Variants in RYR2 observed in about 807,000 individuals in gnomAD.
The protein encoded by RYR2 is cardiac muscle ryanodine receptor-calcium release channel.
A neutral mutation model predicts 601.1 loss-of-function variants in RYR2; 227 were observed. The ratio of observed to expected loss-of-function variants is 0.38; its 90% confidence interval spans 0.34 to 0.42. RYR2 has a LOEUF of 0.42. Among genes scored for constraint, RYR2 ranks in the 10% least tolerant of loss-of-function variants. The pLI, the probability that RYR2 is intolerant of heterozygous loss-of-function variation, is 1.00. For synonymous variants in RYR2, 2,223 were observed against 2,175.1 expected (o/e 1.02, Z -0.61); for missense variants, 4,646 against 6,156.5 (o/e 0.75, Z 8.21).
chr1:237,158,779 G>A lies in RYR2; in HGVS notation c.49-111718G>A, dbSNP rs151210427. Among the ~76,000 whole-genome samples the A allele has an allele frequency of 7.6e-3, 1,163 of 152,324 alleles. 8 individuals are homozygous for A. Among genetic ancestry groups the A allele is most frequent in the Non-Finnish European group, 0.012 (820 of 68,026 alleles). On this transcript the variant is annotated intron_variant, in intron 1 of 104. Transcript: ENST00000366574. ...CAGAGTAGGTAGGGAAGGAATGATT[G>A]CCGAATGAATGAATGAATGGAGAAA...
At chr1:237,714,032 A>G (rs1442499892) in intron 71 of RYR2, among the ~76,000 whole-genome samples, 7 of 152,114 alleles carry the variant, frequency 4.6e-5, no homozygotes, top group Non-Finnish European at 1.0e-4. Context: ...AATACAACCA[A>G]TTAAAACTGT....
intron 29 of RYR2, among the ~76,000 whole-genome samples, chr1:237,574,666 A>G (rs988634109): frequency 1.1e-4 from 17 of 152,150 alleles, no homozygotes; most frequent in African/African-American, 4.1e-4. Context: ...AGAGAGCAAC[A>G]TGATGGTAAC....
chr1:237,789,252 C>G (rs189206979), intron 92 of RYR2, among the ~76,000 whole-genome samples: 3 of 152,122 alleles, frequency 2.0e-5, no homozygotes, highest in Admixed American at 2.0e-4. Flanking sequence ...CAACTCAGAA[C>G]CTCAATGAAC....
At chr1:237,709,998 T>C (rs1426566105) in intron 70 of RYR2, among the ~76,000 whole-genome samples, 1 of 152,208 alleles carries the variant, frequency 6.6e-6, no homozygotes, top group East Asian at 1.9e-4. Context: ...ACCTAAGGAA[T>C]TTAGTTTGGC....
intron 1 of RYR2, among the ~76,000 whole-genome samples, chr1:237,264,407 T>C (rs887794394): frequency 6.6e-6 from 1 of 152,208 alleles, no homozygotes; most frequent in African/African-American, 2.4e-5. Flanking sequence ...AGTTCCTTAT[T>C]TGGCCAATCC....
intron 1 of RYR2, among the ~76,000 whole-genome samples, chr1:237,168,959 C>G (rs569473745): frequency 6.6e-6 from 1 of 152,124 alleles, no homozygotes; most frequent in East Asian, 1.9e-4. Flanking sequence ...TCGTAGTCAA[C>G]CAAAAAGAAC....
At chr1:237,550,474 A>C in intron 26 of RYR2, 70 bp from the exon 27 acceptor site, 4 of 1,526,858 alleles carry the variant, frequency 2.6e-6, no homozygotes, top group Non-Finnish European at 2.7e-6. Flanking sequence ...AGTTTGATGT[A>C]TTTGGTAGCT....
At chr1:237,740,788 T>C (rs992073054) in intron 79 of RYR2, among the ~76,000 whole-genome samples, 2 of 152,220 alleles carry the variant, frequency 1.3e-5, no homozygotes, top group Non-Finnish European at 2.9e-5. Flanking sequence ...TATTTACTAA[T>C]GCACACTGCT....
At chr1:237,617,547 T>G in intron 38 of RYR2, 61 bp downstream of exon 38, 32 of 1,499,888 alleles carry the variant, frequency 2.1e-5, no homozygotes, top group Non-Finnish European at 2.7e-5. Context: ...TCAGGATCTC[T>G]GCCTTGCAAA....
intron 1 of RYR2, among the ~76,000 whole-genome samples, chr1:237,218,066 G>A (rs183008971): frequency 7.0e-4 from 107 of 152,144 alleles, no homozygotes; most frequent in Non-Finnish European, 1.3e-3. Flanking sequence ...GATGCTTTTC[G>A]GTTGCACATT....
At chr1:237,481,377 A>C (rs1662072438) in intron 17 of RYR2, among the ~76,000 whole-genome samples, 1 of 152,162 alleles carries the variant, frequency 6.6e-6, no homozygotes, top group African/African-American at 2.4e-5. Flanking sequence ...ATTTTAAACA[A>C]ACAAAAACAT....
chr1:237,830,702 A>G (rs1331141760), intron 103 of RYR2, 72 bp downstream of exon 103: 2 of 727,242 alleles, frequency 2.8e-6, no homozygotes, highest in Admixed American at 2.5e-5. Context: ...CTCAGAATAG[A>G]GAGGAAGTTT....
intron 3 of RYR2, among the ~76,000 whole-genome samples, chr1:237,338,911 GAT>G (rs1697498182): frequency 6.6e-6 from 1 of 152,144 alleles, no homozygotes; most frequent in Non-Finnish European, 1.5e-5. Flanking sequence ...TAGTTCATAT[GAT>G]ATAAATTGTG....
intron 17 of RYR2, among the ~76,000 whole-genome samples, chr1:237,486,880 C>T (rs1164448515): frequency 6.6e-6 from 1 of 151,868 alleles, no homozygotes; most frequent in Non-Finnish European, 1.5e-5. Flanking sequence ...TACATAGTTG[C>T]AATTATAATC....
At chr1:237,458,539 A>G (rs1659105639) in intron 16 of RYR2, among the ~76,000 whole-genome samples, 1 of 152,108 alleles carries the variant, frequency 6.6e-6, no homozygotes, top group Non-Finnish European at 1.5e-5. Context: ...ATTTTATAGC[A>G]CTTGTCACAT....
chr1:237,557,603 T>C (rs1406845360), intron 27 of RYR2, among the ~76,000 whole-genome samples: 2 of 151,784 alleles, frequency 1.3e-5, no homozygotes, highest in Non-Finnish European at 2.9e-5. Flanking sequence ...CTAGTGGCTC[T>C]TTAGGAAAAA....
chr1:237,512,608 C>A (rs1348001058), intron 24 of RYR2, among the ~76,000 whole-genome samples: 3 of 152,168 alleles, frequency 2.0e-5, no homozygotes, highest in African/African-American at 7.2e-5. Context: ...CATAGTGACT[C>A]GTGCTTATAA....
At position 237,797,953 on chromosome 1, in the gene RYR2, A is replaced by C. The variant is rs796736547; in HGVS notation, c.13957-84A>C. On this transcript the variant is annotated intron_variant, in intron 96 of 104. Coordinates refer to ENST00000366574, the MANE Select transcript of RYR2 (RefSeq NM_001035.3). ...TAGGGCAAATATACAGTAAGTATAA[A>C]AATAATTAGATGTTTTATACACACA... 13 of 1,244,400 alleles carry C rather than the reference A, an allele frequency of 1.0e-5. No individual in the cohort carries two copies. The South Asian group carries it at 1.6e-4, about 15-fold the overall frequency. The allele number at this position is 1,244,400 out of a possible 1,614,324, so 77.1% of individuals were successfully genotyped here.
intron 54 of RYR2, among the ~76,000 whole-genome samples, chr1:237,658,980 C>T (rs1683509528): frequency 6.6e-6 from 1 of 152,116 alleles, no homozygotes; most frequent in South Asian, 2.1e-4. Flanking sequence ...TTAAGTTGAG[C>T]TTAGTCTAAA....
Sources: allele counts gnomAD v4.1 joint callset (sites outside exome capture counted in the v4.1 genomes callset), GRCh38; gene constraint gnomAD v4.1.1; transcripts MANE v1.5; gene names NCBI Gene and HGNC (gene_info 2026-07-23, HGNC 2026-07-21).